Variants in MYH9 observed in about 807,000 individuals in gnomAD.
The protein encoded by MYH9 is myosin-9.
Under a neutral mutation model 241.9 loss-of-function variants are expected in MYH9, and 29 were observed. That is an observed-to-expected ratio of 0.12 (90% CI 0.09 to 0.16). The LOEUF (loss-of-function observed/expected upper bound fraction) is 0.16, where lower values mean the gene tolerates loss of function less well. Ranked by LOEUF, MYH9 falls within the 10% of genes least tolerant of loss-of-function variation. The pLI is 1.00. For synonymous variants in MYH9, 1,047 were observed against 1,062.6 expected, an observed-to-expected ratio of 0.99 and a Z score of 0.29; for missense variants, 1,803 against 2,595.5, an observed-to-expected ratio of 0.69 and a Z score of 6.63.
rs1279642304 is a variant in MYH9, at chr22:36,326,631, G to A, written c.549C>T (p.Asn183=). The change falls in exon 5 of 41, where the codon AAC becomes AAT. Residue 183 remains asparagine, a synonymous_variant. Transcript: ENST00000216181. The part of the protein sequence containing the change: ...TGESGAGKTE[N]TKKVIQYLAY... ...CCAGATACTGGATGACCTTCTTGGT[G>A]TTCTCCGTCTTGCCAGCTCCAGATT... is the stretch of plus-strand genomic sequence containing the variant. 2.5e-6 allele frequency: 4 copies of A among 1,614,248 alleles called. No homozygotes were observed. Among genetic ancestry groups the A allele is most frequent in the Middle Eastern group, 1.6e-4 (1 of 6,062 alleles).
At position 36,300,058 on chromosome 22, in the gene MYH9, C is replaced by A; in HGVS notation, c.2976+69G>T. ...AGCAGCAGCGGGGAGCCAGGCCCTG[C>A]AAGGGTGACCACACTCTCCCATCCA... On this transcript the variant is annotated intron_variant, in intron 23 of 40. Transcript: ENST00000216181. The surrounding 1 kb of genome is among the most constrained non-coding windows in gnomAD (Gnocchi z 5.0). The A allele has an allele frequency of 6.3e-7, 1 of 1,595,272 alleles. No individual in the cohort carries two copies. Among genetic ancestry groups the A allele is most frequent in the Non-Finnish European group, 8.5e-7 (1 of 1,174,714 alleles).
At chr22:36,291,793 C>T (rs1007783871) in intron 31 of MYH9, among the ~76,000 whole-genome samples, 193 bp downstream of exon 31, 3 of 151,884 alleles carry the variant, frequency 2.0e-5, no homozygotes, top group Admixed American at 6.6e-5. Flanking sequence ...CGCATGAAGA[C>T]GCCCTCTTCC....
In MYH9 at chr22:36,285,595, A is replaced by G; in HGVS notation, c.5274+63T>C. 6.2e-7 allele frequency: 1 copy of G among 1,606,612 alleles called. No homozygotes were observed. The highest frequency in any genetic ancestry group is 8.5e-7 in the Non-Finnish European group (1 of 1,179,086). On this transcript the variant is annotated intron_variant, in intron 37 of 40. Coordinates refer to ENST00000216181, the MANE Select transcript of MYH9 (RefSeq NM_002473.6). The surrounding 1 kb of genome is among the most constrained non-coding windows in gnomAD (Gnocchi z 7.0). ...GCCTGTGCTTCTGCCGGCTGGGTCC[A>G]AGGCCAGCTCTGCCGTGGTGGCTCC...
At chr22:36,307,498 C>T (rs943265077) in intron 15 of MYH9, among the ~76,000 whole-genome samples, 16 of 152,218 alleles carry the variant, frequency 1.1e-4, no homozygotes, top group Non-Finnish European at 4.4e-5. Flanking sequence ...TATTCCTTCA[C>T]GGCCAGATTA....
At chr22:36,372,550 A>G (rs2899262) in intron 1 of MYH9, among the ~76,000 whole-genome samples, 88,013 of 151,130 alleles carry the variant, frequency 0.58, 26,773 homozygotes, top group Non-Finnish European at 0.68. Context: ...TAAGGTTTAG[A>G]TTGTGTTTTT....
At chr22:36,304,209 G>T in intron 18 of MYH9, 54 bp from the exon 19 acceptor site, 1 of 1,598,678 alleles carries the variant, frequency 6.3e-7, no homozygotes, top group Non-Finnish European at 8.6e-7. Flanking sequence ...ACAGCTCCAT[G>T]AAAGGGTGGC....
At position 36,318,785 on chromosome 22, in the gene MYH9, C is replaced by T. The variant is rs145877741; in HGVS notation, c.1109-460G>A. ...GGAATGTCTTTTTTTTTTTTTGAGA[C>T]GGCGTCTTGCTCTTGTTGCCCAGGC... On this transcript the variant is annotated intron_variant, in intron 10 of 40. Coordinates refer to ENST00000216181, the MANE Select transcript of MYH9 (RefSeq NM_002473.6). Among the ~76,000 whole-genome samples the T allele has an allele frequency of 2.6e-3, 396 of 151,388 alleles. 1 individual carries two copies. Among genetic ancestry groups the T allele is most frequent in the Admixed American group, 4.6e-3 (70 of 15,210 alleles).
intron 1 of MYH9, among the ~76,000 whole-genome samples, chr22:36,371,499 T>C (rs1158791343): frequency 6.6e-6 from 1 of 152,192 alleles, no homozygotes; most frequent in Non-Finnish European, 1.5e-5. Context: ...CCACACAATC[T>C]TGTACTTCAT....
intron 1 of MYH9, among the ~76,000 whole-genome samples, chr22:36,356,190 T>C (rs1436626272): frequency 6.6e-6 from 1 of 152,190 alleles, no homozygotes; most frequent in Non-Finnish European, 1.5e-5. Context: ...ACCCCCATCC[T>C]GGAGAACACA....
intron 1 of MYH9, among the ~76,000 whole-genome samples, chr22:36,349,505 A>G (rs951181045): frequency 6.6e-6 from 1 of 152,178 alleles, no homozygotes; most frequent in Non-Finnish European, 1.5e-5. Flanking sequence ...CAAGGTAGGC[A>G]TATCACCTGA....
intron 14 of MYH9, among the ~76,000 whole-genome samples, chr22:36,311,788 A>G (rs944035632): frequency 6.6e-6 from 1 of 152,200 alleles, no homozygotes; most frequent in African/African-American, 2.4e-5. Context: ...GCCCAACGAT[A>G]ATGCATGATG....
chr22:36,316,186 C>T (rs900972543), intron 12 of MYH9, among the ~76,000 whole-genome samples: 17 of 151,622 alleles, frequency 1.1e-4, no homozygotes, highest in African/African-American at 4.8e-5. Context: ...TACAGGCATG[C>T]GCCACCACGC....
intron 18 of MYH9, 104 bp from the exon 19 acceptor site, chr22:36,304,259 A>C: frequency 8.0e-7 from 1 of 1,243,344 alleles, no homozygotes; most frequent in Non-Finnish European, 1.2e-6. Context: ...CCTTCTTCTC[A>C]CTGGCTGACG....
Position 36,285,590 on chromosome 22 carries a change from G to A in MYH9, c.5274+68C>T. 2 of 1,604,406 alleles carry A rather than the reference G, an allele frequency of 1.2e-6. No homozygotes were observed. The highest frequency in any genetic ancestry group is 1.7e-6 in the Non-Finnish European group (2 of 1,178,264). On this transcript the variant is annotated intron_variant, in intron 37 of 40. Transcript: ENST00000216181. The surrounding 1 kb of genome is among the most constrained non-coding windows in gnomAD (Gnocchi z 7.0). ...ACTTGGCCTGTGCTTCTGCCGGCTG[G>A]GTCCAAGGCCAGCTCTGCCGTGGTG...
In MYH9 at chr22:36,300,481, C is replaced by A. The variant is rs2016859232; in HGVS notation, c.2839-217G>T. On this transcript the variant is annotated intron_variant, in intron 22 of 40. Coordinates refer to ENST00000216181, the MANE Select transcript of MYH9 (RefSeq NM_002473.6). The surrounding 1 kb of genome is among the most constrained non-coding windows in gnomAD (Gnocchi z 5.0). ...CATTTGTAGGATTCCAGATTTCAAA[C>A]TGGGACACAGGGCCAGAACATCGGT... Among the ~76,000 whole-genome samples the A allele has an allele frequency of 6.6e-6, 1 of 152,254 alleles. No homozygotes were observed. Among genetic ancestry groups the A allele is most frequent in the Non-Finnish European group, 1.5e-5 (1 of 68,042 alleles).
At position 36,345,977 on chromosome 22, in the gene MYH9, T is replaced by TTA. The variant is rs1173673896; in HGVS notation, c.333+2926_333+2927insTA. Among the ~76,000 whole-genome samples, 40 of 152,210 alleles carry TTA rather than the reference T, an allele frequency of 2.6e-4. 1 individual carries two copies. The South Asian group carries it at 7.1e-3, about 27-fold the overall frequency. ...GCCTGGCCAATATGGGGAAACCCCG[T>TTA]CTTTACTAAAAATACAAAAATTAGC... On this transcript the variant is annotated intron_variant, in intron 2 of 40. Transcript: ENST00000216181.
intron 1 of MYH9, among the ~76,000 whole-genome samples, chr22:36,385,460 G>GT (rs2018337355): frequency 6.6e-6 from 1 of 152,134 alleles, no homozygotes; most frequent in South Asian, 2.1e-4. Flanking sequence ...TCCTTGTTTT[G>GT]TTTTTTCTGG....
chr22:36,345,311 C>CAAA (rs61363468), intron 2 of MYH9, among the ~76,000 whole-genome samples: 2 of 90,626 alleles, frequency 2.2e-5, no homozygotes, highest in South Asian at 3.7e-4. Flanking sequence ...GACTCCGTCT[C>CAAA]AAAAAAAAAA....
At chr22:36,287,619 G>A (rs2016608877) in intron 34 of MYH9, among the ~76,000 whole-genome samples, 1 of 152,312 alleles carries the variant, frequency 6.6e-6, no homozygotes, top group Non-Finnish European at 1.5e-5. Flanking sequence ...GCGTGCGCCT[G>A]TAGTCCCAGC....
Sources: allele counts gnomAD v4.1 joint callset (sites outside exome capture counted in the v4.1 genomes callset), GRCh38; gene constraint gnomAD v4.1.1; non-coding constraint Gnocchi (gnomAD v3.1); transcripts MANE v1.5; gene names NCBI Gene and HGNC (gene_info 2026-07-23, HGNC 2026-07-21).